ESRRG: variants seen among roughly 807,000 people sequenced by gnomAD.
The protein encoded by ESRRG is estrogen related receptor gamma.
A neutral mutation model predicts 44.0 loss-of-function variants in ESRRG; 13 were observed. The observed-to-expected ratio is 0.30, with a 90% CI of 0.19 to 0.47. ESRRG has a LOEUF of 0.47. Ranked by LOEUF, ESRRG falls within the 20% of genes least tolerant of loss-of-function variation. The pLI, the probability that ESRRG is intolerant of heterozygous loss-of-function variation, is 1.00. For synonymous variants in ESRRG, 215 were observed against 214.6 expected (o/e 1.00, Z -0.02); for missense variants, 395 against 580.6 (o/e 0.68, Z 3.29).
At chr1:217,087,079 G>A (rs555704930) in intron 1 of ESRRG, among the ~76,000 whole-genome samples, 30 of 152,168 alleles carry the variant, frequency 2.0e-4, no homozygotes, top group Non-Finnish European at 4.1e-4. Flanking sequence ...TGAGTATTCA[G>A]GTAAGGTGCA....
intron 1 of ESRRG, among the ~76,000 whole-genome samples, chr1:216,990,761 A>G (rs1464432371): frequency 6.6e-6 from 1 of 152,220 alleles, no homozygotes; most frequent in Non-Finnish European, 1.5e-5. Context: ...CACATATAAC[A>G]TACAAAATAT....
At chr1:217,091,984 C>T (rs899473743), upstream of ESRRG, among the ~76,000 whole-genome samples, 1 of 152,162 alleles carries the variant, frequency 6.6e-6, no homozygotes, top group African/African-American at 2.4e-5. Context: ...TCTTTTCAGA[C>T]AAATGTCTTC....
intron 2 of ESRRG, among the ~76,000 whole-genome samples, chr1:216,657,346 GGAACACTACATC>G (rs2070890228): frequency 6.6e-6 from 1 of 152,122 alleles, no homozygotes; most frequent in Non-Finnish European, 1.5e-5. Flanking sequence ...AAGTTGTGTA[GGAACACTACATC>G]TGTTCTCAAG....
intron 2 of ESRRG, among the ~76,000 whole-genome samples, chr1:216,772,813 A>G (rs1436382815): frequency 6.6e-6 from 1 of 151,694 alleles, no homozygotes; most frequent in Non-Finnish European, 1.5e-5. Context: ...AGGCTAAGAA[A>G]TGTACTTGGG....
intron 1 of ESRRG, among the ~76,000 whole-genome samples, chr1:217,017,849 C>T (rs868419934): frequency 6.6e-5 from 10 of 152,182 alleles, no homozygotes; most frequent in African/African-American, 1.9e-4. Flanking sequence ...CACACATCAT[C>T]GATTGCATAA....
chr1:216,581,010 A>T (rs760723919), intron 3 of ESRRG, among the ~76,000 whole-genome samples: 1 of 152,240 alleles, frequency 6.6e-6, no homozygotes, highest in Non-Finnish European at 1.5e-5. Context: ...TGTCTGTTGC[A>T]CATCACTATG....
intron 1 of ESRRG, among the ~76,000 whole-genome samples, chr1:217,018,836 C>G (rs2079846334): frequency 6.6e-6 from 1 of 152,126 alleles, no homozygotes; most frequent in Admixed American, 6.6e-5. Context: ...CTATCATGCC[C>G]TAATCACATT....
At chr1:217,089,718 G>T (rs1580541828), upstream of ESRRG, 2 of 152,050 alleles carry the variant, frequency 1.3e-5, no homozygotes, top group East Asian at 1.9e-4. Flanking sequence ...ACGGCCCCCC[G>T]CTCTGCCCCC....
intron 5 of ESRRG, among the ~76,000 whole-genome samples, chr1:216,562,123 G>T (rs1356079485): frequency 3.3e-5 from 5 of 151,968 alleles, no homozygotes; most frequent in African/African-American, 1.2e-4. Flanking sequence ...ACTTTTATTG[G>T]TTTTTATTAT....
At chr1:217,127,300 C>T (rs528250289) in intron 1 of ESRRG, among the ~76,000 whole-genome samples, 30 of 152,166 alleles carry the variant, frequency 2.0e-4, no homozygotes, top group Non-Finnish European at 3.7e-4. Context: ...TTTTTCATGC[C>T]TGTGTCTTAT....
rs192525052 is a variant in ESRRG, at chr1:216,523,149, G to A, written c.863-3728C>T. Among the ~76,000 whole-genome samples, 630 of 152,146 alleles carry A rather than the reference G, an allele frequency of 4.1e-3. 5 individuals are homozygous for A. The highest frequency in any genetic ancestry group is 0.013 in the African/African-American group (545 of 41,516). ...ACCATGGCACATTTTTTCTTCCACA[G>A]CTATAGCCCATTCCCTGCATATCGC... On this transcript the variant is annotated intron_variant, in intron 5 of 6. Coordinates refer to ENST00000408911, the MANE Select transcript of ESRRG (RefSeq NM_001438.4).
intron 1 of ESRRG, among the ~76,000 whole-genome samples, chr1:217,031,989 C>T (rs1579797473): frequency 6.6e-6 from 1 of 152,200 alleles, no homozygotes; most frequent in Middle Eastern, 3.4e-3. Flanking sequence ...CACCGACTGC[C>T]CCAGTTTGCC....
At chr1:216,989,727 G>A (rs1357118133) in intron 1 of ESRRG, among the ~76,000 whole-genome samples, 3 of 152,098 alleles carry the variant, frequency 2.0e-5, no homozygotes, top group Non-Finnish European at 4.4e-5. Flanking sequence ...GTGTGTCCCT[G>A]CAGCTTCCTT....
At chr1:216,896,670 T>A (rs2058459818) in intron 2 of ESRRG, among the ~76,000 whole-genome samples, 1 of 152,222 alleles carries the variant, frequency 6.6e-6, no homozygotes, top group Non-Finnish European at 1.5e-5. Context: ...AGTCTGTCAA[T>A]TTTTCAGTTT....
At chr1:217,032,373 G>T (rs1460168693) in intron 1 of ESRRG, among the ~76,000 whole-genome samples, 1 of 152,052 alleles carries the variant, frequency 6.6e-6, no homozygotes, top group African/African-American at 2.4e-5. Context: ...ATTCTTCCCA[G>T]TTACTTCTAG....
At chr1:216,940,499 T>C (rs1251048846) in intron 1 of ESRRG, among the ~76,000 whole-genome samples, 1 of 152,184 alleles carries the variant, frequency 6.6e-6, no homozygotes, top group Non-Finnish European at 1.5e-5. Context: ...GAGAAGGTTG[T>C]GACCAACAGG....
intron 1 of ESRRG, among the ~76,000 whole-genome samples, chr1:216,997,026 G>T (rs1322329892): frequency 6.6e-6 from 1 of 152,170 alleles, no homozygotes; most frequent in African/African-American, 2.4e-5. Context: ...AATAGAATTA[G>T]ATGACATTAT....
intron 1 of ESRRG, among the ~76,000 whole-genome samples, chr1:217,067,570 G>T (rs1580340124): frequency 6.6e-6 from 1 of 152,166 alleles, no homozygotes; most frequent in Non-Finnish European, 1.5e-5. Context: ...TATTTTTGAG[G>T]CATTAGTAAT....
At chr1:216,849,258 T>C (rs1413874249) in intron 2 of ESRRG, among the ~76,000 whole-genome samples, 1 of 152,158 alleles carries the variant, frequency 6.6e-6, no homozygotes, top group East Asian at 1.9e-4. Flanking sequence ...CCCAAACCCA[T>C]AAAGGTAGTA....
Sources: gnomAD v4.1 joint callset for allele counts (sites outside exome capture counted in the v4.1 genomes callset) on GRCh38, gnomAD v4.1.1 for gene constraint, MANE v1.5 for transcripts, NCBI Gene and HGNC (gene_info 2026-07-23, HGNC 2026-07-21) for gene names.